The following IRF2 variants were observed in gnomAD, a reference collection of about 807,000 sequenced individuals.
IRF2 encodes interferon regulatory factor 2.
Under a neutral mutation model 40.6 loss-of-function variants are expected in IRF2, and 15 were observed. The observed-to-expected ratio is 0.37, with a 90% CI of 0.25 to 0.57. The LOEUF is 0.57. IRF2 is among the 20% of genes least tolerant of loss of function. IRF2 has a pLI of 0.77. For missense variants in IRF2, 317 were observed against 455.7 expected (o/e 0.70, Z 2.77); for synonymous variants, 151 against 165.5 (o/e 0.91, Z 0.67).
At chr4:184,472,148 T>A (rs1313651059) in intron 1 of IRF2, 1 of 152,242 alleles carries the variant, frequency 6.6e-6, no homozygotes, top group African/African-American at 2.4e-5. Context: ...AAATATTTCA[T>A]CTGCTGAAGT....
intron 8 of IRF2, 52 bp from the exon 9 acceptor site, chr4:184,389,118 CT>C: frequency 3.2e-6 from 5 of 1,576,516 alleles, no homozygotes; most frequent in Non-Finnish European, 4.4e-6. Context: ...TATTGGATGG[CT>C]TTTTAAAAAT....
At chr4:184,428,200 C>T (rs919640144) in intron 2 of IRF2, among the ~76,000 whole-genome samples, 8 of 152,220 alleles carry the variant, frequency 5.3e-5, no homozygotes, top group Admixed American at 3.3e-4. Context: ...ACAGATAGGG[C>T]TTCATTACAG....
chr4:184,399,981 A>G (rs1372232645), intron 6 of IRF2, among the ~76,000 whole-genome samples: 2 of 152,250 alleles, frequency 1.3e-5, no homozygotes, highest in East Asian at 1.9e-4. Flanking sequence ...GCTAGAATAC[A>G]ATATCGCAAC....
chr4:184,424,016 A>C (rs902344989), intron 2 of IRF2, among the ~76,000 whole-genome samples: 1 of 152,178 alleles, frequency 6.6e-6, no homozygotes, highest in East Asian at 1.9e-4. Context: ...TATGTCTTAC[A>C]ATGTATGCTG....
intron 2 of IRF2, 145 bp downstream of exon 2, chr4:184,428,833 T>G: frequency 1.4e-6 from 1 of 721,736 alleles, no homozygotes; most frequent in Non-Finnish European, 2.5e-6. Flanking sequence ...GATAACTTGA[T>G]GTTTTATGAT....
chr4:184,427,081 T>C (rs970166597), intron 2 of IRF2, among the ~76,000 whole-genome samples: 15 of 152,346 alleles, frequency 9.8e-5, no homozygotes, highest in African/African-American at 3.6e-4. Flanking sequence ...AGCTCCCCTT[T>C]ACTCTGGTCC....
chr4:184,408,375 T>C lies in IRF2; in HGVS notation c.412-100A>G, dbSNP rs1236902620. On this transcript the variant is annotated intron_variant, in intron 5 of 8. Coordinates refer to ENST00000393593, the MANE Select transcript of IRF2 (RefSeq NM_002199.4). This position sits in a 1 kb window ranked among gnomAD's most constrained non-coding sequence, Gnocchi z 4.9. ...CTGCCTACTTTCTTTAATGCTAGGG[T>C]CATTCATGTTCAGCTGCCGAATACA... The C allele has an allele frequency of 2.7e-6, 2 of 751,894 alleles. No homozygotes were observed. The highest frequency in any genetic ancestry group is 4.6e-6 in the Non-Finnish European group (2 of 430,214). The allele number at this position is 751,894 out of a possible 1,614,324, so 46.6% of individuals were successfully genotyped here.
rs370235725 is a variant in IRF2 at position 184,413,733 on chromosome 4, C to T, written c.411+4434G>A. The stretch of plus-strand genomic sequence containing the variant: ...CCTTCATAACACTAACACTTTGATC[C>T]GGAAGCACTTTACAGTTTCAAGCAT... On this transcript the variant is annotated intron_variant, in intron 5 of 8. Coordinates refer to ENST00000393593, the MANE Select transcript of IRF2 (RefSeq NM_002199.4). The surrounding 1 kb of genome is among the most constrained non-coding windows in gnomAD (Gnocchi z 4.2). Among the ~76,000 whole-genome samples the T allele has an allele frequency of 6.6e-6, 1 of 152,200 alleles. No individual in the cohort carries two copies. Among genetic ancestry groups the T allele is most frequent in the Non-Finnish European group, 1.5e-5 (1 of 68,048 alleles).
At chr4:184,472,373 C>T (rs552521599) in intron 1 of IRF2, 5 of 152,162 alleles carry the variant, frequency 3.3e-5, no homozygotes, top group Non-Finnish European at 5.9e-5. Context: ...CCCCAGACCC[C>T]GTTGTGCACC....
intron 7 of IRF2, among the ~76,000 whole-genome samples, chr4:184,391,413 AC>A (rs1304996527): frequency 6.6e-6 from 1 of 152,198 alleles, no homozygotes. Flanking sequence ...TAACTCAGAA[AC>A]CTGCTGGGAG....
At chr4:184,445,666 AAAG>A (rs1176713938) in intron 1 of IRF2, among the ~76,000 whole-genome samples, 32 of 151,652 alleles carry the variant, frequency 2.1e-4, no homozygotes, top group Middle Eastern at 3.4e-3. Context: ...AAAAAAAAAA[AAAG>A]AAGAAGAAGA....
At chr4:184,428,835 T>C (rs548699266) in intron 2 of IRF2, 143 bp downstream of exon 2, 12 of 732,968 alleles carry the variant, frequency 1.6e-5, no homozygotes, top group Admixed American at 1.6e-4. Flanking sequence ...TAACTTGATG[T>C]TTTATGATCA....
intron 1 of IRF2, among the ~76,000 whole-genome samples, chr4:184,430,363 A>AGCCTTTTCCTTGTATG (rs1378642835): frequency 2.7e-5 from 4 of 150,812 alleles, no homozygotes; most frequent in Non-Finnish European, 3.0e-5. Flanking sequence ...AGTCTGGCCC[A>AGCCTTTTCCTTGTATG]CTGACTGCTG....
chr4:184,395,412 CAAAAAAAA>C (rs34566726), intron 7 of IRF2, among the ~76,000 whole-genome samples: 1 of 67,098 alleles, frequency 1.5e-5, no homozygotes, highest in Non-Finnish European at 2.6e-5. Flanking sequence ...GACTCCGTCT[CAAAAAAAA>C]AAAAAAAAAA....
chr4:184,418,775 A>G (rs1737372143), intron 3 of IRF2, 67 bp from the exon 4 acceptor site: 1 of 1,371,960 alleles, frequency 7.3e-7, no homozygotes, highest in Admixed American at 2.0e-5. Flanking sequence ...GAATTTCTGG[A>G]AACACAGTAT....
chr4:184,461,837 G>A (rs1014307540), intron 1 of IRF2, among the ~76,000 whole-genome samples: 1 of 152,112 alleles, frequency 6.6e-6, no homozygotes, highest in African/African-American at 2.4e-5. Flanking sequence ...CCAATAGTCA[G>A]GATGACCACA....
At chr4:184,389,179 G>A (rs1343742952) in intron 8 of IRF2, 113 bp from the exon 9 acceptor site, 2 of 1,027,364 alleles carry the variant, frequency 1.9e-6, no homozygotes, top group African/African-American at 3.2e-5. Flanking sequence ...CAGCACTTTG[G>A]GAGGCTGAGG....
intron 2 of IRF2, among the ~76,000 whole-genome samples, chr4:184,427,652 CA>C (rs1029328593): frequency 3.9e-4 from 55 of 141,654 alleles, no homozygotes; most frequent in Admixed American, 4.9e-4. Context: ...CTAAAGAAAA[CA>C]AAAAAAAAAT....
chr4:184,430,339 T>C (rs1439379953), intron 1 of IRF2, among the ~76,000 whole-genome samples: 2 of 130,654 alleles, frequency 1.5e-5, no homozygotes, highest in African/African-American at 2.7e-5. Context: ...GCCTTTTCCT[T>C]GTATGCCTCC....
Sources: gnomAD v4.1 joint callset for allele counts (sites outside exome capture counted in the v4.1 genomes callset) on GRCh38, gnomAD v4.1.1 for gene constraint, Gnocchi (gnomAD v3.1) non-coding constraint, MANE v1.5 for transcripts, NCBI Gene and HGNC (gene_info 2026-07-23, HGNC 2026-07-21) for gene names.